The following DLEC1 variants were observed in gnomAD, a reference collection of about 807,000 sequenced individuals.
DLEC1 encodes DLEC1 cilia and flagella associated protein, also known as deleted in lung and esophageal cancer protein 1.
DLEC1 carries 146 observed loss-of-function variants against 198.1 expected under a neutral mutation model. The observed-to-expected ratio is 0.74, with a 90% confidence interval of 0.64 to 0.85. The LOEUF (loss-of-function observed/expected upper bound fraction) is 0.85. Ranked by LOEUF, DLEC1 falls within the 40% of genes least tolerant of loss-of-function variation. The probability of loss-of-function intolerance (pLI) is 0.00; values close to 1 mark genes in which losing one functional copy is unlikely to be tolerated. For synonymous variants in DLEC1, 897 were observed against 866.8 expected (o/e 1.03, Z -0.61); for missense variants, 2,233 against 2,220.0 (o/e 1.01, Z -0.12).
chr3:38,115,179 T>A, intron 27 of DLEC1, 126 bp downstream of exon 27: 1 of 998,532 alleles, frequency 1.0e-6, no homozygotes, highest in South Asian at 1.6e-5. Context: ...CCAGGGGGCC[T>A]GTGGTTACGG....
At chr3:38,073,651 TGGGGATAA>T (rs1436284023) in intron 6 of DLEC1, among the ~76,000 whole-genome samples, 2 of 151,764 alleles carry the variant, frequency 1.3e-5, no homozygotes, top group African/African-American at 4.8e-5. Context: ...ACTGGGCAGG[TGGGGATAA>T]CTGAAAAAGA....
At chr3:38,078,810 A>G (rs533204835) in intron 6 of DLEC1, among the ~76,000 whole-genome samples, 12 of 152,308 alleles carry the variant, frequency 7.9e-5, no homozygotes, top group African/African-American at 2.6e-4. Flanking sequence ...AGGACAGGAG[A>G]GTATATGGGT....
Position 38,082,937 on chromosome 3 carries a change from C to T in DLEC1, c.1174-1221C>T, listed in dbSNP as rs531563974. 1.8e-3 allele frequency among the ~76,000 whole-genome samples: 278 copies of T among 152,274 alleles called. 1 individual carries two copies. The highest frequency in any genetic ancestry group is 6.5e-3 in the African/African-American group (269 of 41,554). On this transcript the variant is annotated intron_variant, in intron 6 of 36. Coordinates refer to ENST00000308059, the MANE Select transcript of DLEC1 (RefSeq NM_007335.4). Reference sequence around the variant, plus strand: ...GGCTGCCTTCCCAGTCCGTGACCGGCGCCGGAGTTTTGGGTCCACAAATAA... The same window carrying T: ...GGCTGCCTTCCCAGTCCGTGACCGGTGCCGGAGTTTTGGGTCCACAAATAA...
At chr3:38,074,091 T>C (rs1014645462) in intron 6 of DLEC1, among the ~76,000 whole-genome samples, 6 of 152,226 alleles carry the variant, frequency 3.9e-5, no homozygotes, top group Non-Finnish European at 7.3e-5. Flanking sequence ...CAGGCATTCC[T>C]TGGCCTAGTG....
At position 38,117,611 on chromosome 3, in the gene DLEC1, G is replaced by A. The variant is rs375724492; in HGVS notation, c.4485G>A (p.Gly1495=). ...SDLIPEQPCS[G]VLSELVTTHH... is the part of the protein sequence containing the mutation. ...TCATTCCCGAGCAGCCCTGCTCTGG[G>A]GTGAGTGTGCTGCCACCCTCTGGCC... Residue 1495 remains glycine (G), a splice_region_variant and synonymous_variant, in exon 32 of 37, where the codon GGG becomes GGA. Coordinates refer to ENST00000308059, the MANE Select transcript of DLEC1 (RefSeq NM_007335.4). 84 of 1,614,102 alleles carry A rather than the reference G, an allele frequency of 5.2e-5. 3 individuals are homozygous for A. Among genetic ancestry groups the A allele is most frequent in the African/African-American group, 5.2e-4 (39 of 75,026 alleles).
At chr3:38,049,955 A>G (rs888686852) in intron 2 of DLEC1, among the ~76,000 whole-genome samples, 1 of 152,174 alleles carries the variant, frequency 6.6e-6, no homozygotes, top group African/African-American at 2.4e-5. Flanking sequence ...TGCTTCCAGG[A>G]TAGGTCAGCT....
At position 38,104,990 on chromosome 3, in the gene DLEC1, A is replaced by G. The variant is rs77345633; in HGVS notation, c.2865-2594A>G. ...CCTTAGTTGCATCCTATAACTTTTC[A>G]TATATCATGTTTTCATTTTCATTGA... On this transcript the variant is annotated intron_variant, in intron 19 of 36. Transcript: ENST00000308059. Among the ~76,000 whole-genome samples, 28 of 152,238 alleles carry G rather than the reference A, an allele frequency of 1.8e-4. No homozygotes were observed. The East Asian group carries it at 3.9e-3, about 21-fold the overall frequency.
chr3:38,120,795 C>T (rs1221404620), intron 34 of DLEC1, among the ~76,000 whole-genome samples, 186 bp downstream of exon 34: 1 of 152,232 alleles, frequency 6.6e-6, no homozygotes, highest in Non-Finnish European at 1.5e-5. Flanking sequence ...CCAACCTCAC[C>T]TGCCTCATGA....
chr3:38,122,658 C>T lies in DLEC1; in HGVS notation c.*246C>T. ...ACCACATTGAGATCACTACTCAGTG[C>T]ATAGCGAAGACCAGTATGGCAAAAT... On this transcript the variant is annotated 3_prime_UTR_variant, in exon 37 of 37. Coordinates refer to ENST00000308059, the MANE Select transcript of DLEC1 (RefSeq NM_007335.4). The T allele has an allele frequency of 6.8e-7, 1 of 1,462,170 alleles. No individual in the cohort carries two copies. Among genetic ancestry groups the T allele is most frequent in the South Asian group, 1.4e-5 (1 of 72,044 alleles). The allele number at this position is 1,462,170 out of a possible 1,614,324, so 90.6% of individuals were successfully genotyped here. A position where few individuals can be genotyped will look rare whatever the true frequency, so the allele number is the denominator to read the frequency against.
At chr3:38,053,432 C>T (rs568188464) in intron 2 of DLEC1, among the ~76,000 whole-genome samples, 1 of 152,124 alleles carries the variant, frequency 6.6e-6, no homozygotes, top group South Asian at 2.1e-4. Context: ...AGCGCCTCTG[C>T]CCGGCCGCGA....
At position 38,122,781 on chromosome 3, in the gene DLEC1, T is replaced by G; in HGVS notation, c.*369T>G. 1 of 1,136,222 alleles carries G rather than the reference T, an allele frequency of 8.8e-7. No homozygotes were observed. The highest frequency in any genetic ancestry group is 1.2e-6 in the Non-Finnish European group (1 of 835,006). 70.4% of individuals were successfully genotyped at this position (1,136,222 alleles called of 1,614,324 possible). On this transcript the variant is annotated 3_prime_UTR_variant, in exon 37 of 37. Transcript: ENST00000308059. ...CATGGATTTGCCTTGCCTTAAGAAT[T>G]AACCATGGCCTTGTGGCCTGGGTGA...
chr3:38,061,019 G>A (rs1385517514), intron 3 of DLEC1, among the ~76,000 whole-genome samples: 1 of 152,130 alleles, frequency 6.6e-6, no homozygotes, highest in Non-Finnish European at 1.5e-5. Context: ...TGGAAACTCA[G>A]TATCTTATGC....
chr3:38,042,215 A>G (rs1700690787), intron 1 of DLEC1, among the ~76,000 whole-genome samples: 1 of 151,776 alleles, frequency 6.6e-6, no homozygotes, highest in African/African-American at 2.4e-5. Flanking sequence ...CTGGTCTCCA[A>G]CTCCTGACCT....
At chr3:38,042,268 C>T (rs1252874034) in intron 1 of DLEC1, among the ~76,000 whole-genome samples, 2 of 152,112 alleles carry the variant, frequency 1.3e-5, no homozygotes, top group Non-Finnish European at 2.9e-5. Flanking sequence ...GCTAGGATTA[C>T]AAGAGTGTGC....
intron 2 of DLEC1, chr3:38,051,829 T>A (rs1016507156): frequency 2.6e-5 from 4 of 153,936 alleles, no homozygotes; most frequent in African/African-American, 9.7e-5. Context: ...ACTATAAAAT[T>A]ATGGAAAAGA....
intron 34 of DLEC1, among the ~76,000 whole-genome samples, chr3:38,121,045 T>C (rs910694423): frequency 3.3e-5 from 5 of 152,028 alleles, no homozygotes; most frequent in African/African-American, 1.2e-4. Flanking sequence ...GGCCGTAGTG[T>C]GGAGGCTAAG....
Position 38,039,498 on chromosome 3 carries a change from T to A in DLEC1, c.273T>A (p.Asp91Glu), listed in dbSNP as rs1700550897. The A allele has an allele frequency of 6.2e-7, 1 of 1,614,054 alleles. No individual in the cohort carries two copies. The highest frequency in any genetic ancestry group is 8.5e-7 in the Non-Finnish European group (1 of 1,179,900). ...GCCCCTCCTCGCTGCGCACCCAAGA[T>A]ATCTCGCACTTGCTCACCGGCGTCT... is the stretch of plus-strand genomic sequence containing the variant. ...RLRPSSLRTQDISHLLTGVFR... is the reference protein window; with the variant it reads ...RLRPSSLRTQEISHLLTGVFR... The change falls in exon 1 of 37, where the codon GAT (aspartate) becomes GAA (glutamate). Residue 91 changes from aspartate (D) to glutamate (E), a missense_variant. Physicochemically the swap from Asp to Glu is conservative, Grantham distance 45 (BLOSUM62 2). Coordinates refer to ENST00000308059, the MANE Select transcript of DLEC1 (RefSeq NM_007335.4).
At chr3:38,116,279 T>A (rs937100052) in intron 27 of DLEC1, among the ~76,000 whole-genome samples, 174 bp from the exon 28 acceptor site, 1 of 152,174 alleles carries the variant, frequency 6.6e-6, no homozygotes, top group Non-Finnish European at 1.5e-5. Context: ...AAAGCCTTTT[T>A]AAAATTTTAA....
intron 6 of DLEC1, among the ~76,000 whole-genome samples, chr3:38,071,972 G>A (rs1697344300): frequency 6.6e-6 from 1 of 152,176 alleles, no homozygotes; most frequent in African/African-American, 2.4e-5. Context: ...TGATAGATGT[G>A]GAAGATACTA....
Sources: gnomAD v4.1 joint callset for allele counts (sites outside exome capture counted in the v4.1 genomes callset) on GRCh38, gnomAD v4.1.1 for gene constraint, MANE v1.5 for transcripts, NCBI Gene and HGNC (gene_info 2026-07-23, HGNC 2026-07-21) for gene names.